CHODL: variants seen among roughly 807,000 people sequenced by gnomAD.
CHODL encodes chondrolectin.
In CHODL, 29 loss-of-function variants were observed where a neutral mutation model predicts 34.5. That is an observed-to-expected ratio of 0.84 (90% CI 0.63 to 1.15). The LOEUF is 1.15. Ranked by LOEUF, CHODL falls within the 50% of genes most tolerant of loss-of-function variation. The pLI is 0.00. For missense variants in CHODL, 332 were observed against 332.5 expected, an observed-to-expected ratio of 1.00 and a Z score of 0.01; for synonymous variants, 125 against 116.1, an observed-to-expected ratio of 1.08 and a Z score of -0.49.
chr21:18,224,864 C>T (rs1158051795), intron 2 of CHODL, among the ~76,000 whole-genome samples: 1 of 151,552 alleles, frequency 6.6e-6, no homozygotes, highest in East Asian at 1.9e-4. Flanking sequence ...GTTCTGTTTT[C>T]AGTCAGTATA....
chr21:18,052,150 C>T (rs932674408), intron 2 of CHODL, among the ~76,000 whole-genome samples: 18 of 151,946 alleles, frequency 1.2e-4, no homozygotes, highest in South Asian at 1.0e-3. Context: ...TAAATAGATC[C>T]GGAGAAATCT....
chr21:18,230,070 T>G (rs2073965164), intron 2 of CHODL, among the ~76,000 whole-genome samples: 1 of 152,226 alleles, frequency 6.6e-6, no homozygotes, highest in East Asian at 1.9e-4. Context: ...CTCAAATGAT[T>G]AAGTAGGTTG....
chr21:17,973,485 C>T (rs570118670), intron 1 of CHODL, among the ~76,000 whole-genome samples: 4 of 146,008 alleles, frequency 2.7e-5, no homozygotes, highest in East Asian at 2.0e-4. Flanking sequence ...GGCTCAATCT[C>T]GGCTCACTGC....
intron 2 of CHODL, among the ~76,000 whole-genome samples, chr21:18,179,300 C>T (rs1436943981): frequency 6.6e-6 from 1 of 152,130 alleles, no homozygotes; most frequent in East Asian, 1.9e-4. Context: ...TGGGAGTCAG[C>T]CTCTGTTCGT....
chr21:17,984,204 G>A (rs1379052160), intron 1 of CHODL, among the ~76,000 whole-genome samples: 4 of 152,064 alleles, frequency 2.6e-5, no homozygotes, highest in Non-Finnish European at 4.4e-5. Context: ...GGTCTTCGGC[G>A]TCATCTATGT....
chr21:17,978,051 A>G (rs2146370976), intron 1 of CHODL, among the ~76,000 whole-genome samples: 1 of 152,230 alleles, frequency 6.6e-6, no homozygotes, highest in Non-Finnish European at 1.5e-5. Context: ...AATCAAACCC[A>G]TCTGTTATCC....
intron 1 of CHODL, among the ~76,000 whole-genome samples, chr21:18,007,966 A>G (rs547886508): frequency 2.0e-5 from 3 of 152,226 alleles, no homozygotes; most frequent in Admixed American, 6.5e-5. Context: ...GTCAAAATCC[A>G]TGCATAAATC....
chr21:18,078,925 C>T (rs1392188358), intron 2 of CHODL, among the ~76,000 whole-genome samples: 2 of 152,118 alleles, frequency 1.3e-5, no homozygotes. Context: ...GATTTGCACC[C>T]AGTTTGAATC....
At position 17,924,013 on chromosome 21, in the gene CHODL, G is replaced by A. The variant is rs112699464; in HGVS notation, c.-145+6613G>A. Among the ~76,000 whole-genome samples the A allele has an allele frequency of 3.9e-3, 592 of 152,306 alleles. 4 individuals carry two copies. The highest frequency in any genetic ancestry group is 0.013 in the African/African-American group (560 of 41,574). On this transcript the variant is annotated intron_variant, in intron 1 of 6. Coordinates refer to the CHODL transcript ENST00000400127. The stretch of plus-strand genomic sequence containing the variant: ...CTCCCTTTCTTTGGAAGAGAAGGAT[G>A]TTGAGGAACGTGAGGGTCTCTTGGA...
intron 2 of CHODL, among the ~76,000 whole-genome samples, chr21:18,137,233 A>G (rs950153610): frequency 6.6e-6 from 1 of 152,000 alleles, no homozygotes; most frequent in Admixed American, 6.6e-5. Flanking sequence ...CTGATTTCTG[A>G]TTTACTCACC....
intron 2 of CHODL, chr21:18,034,484 T>C (rs1035278266): frequency 1.3e-5 from 2 of 151,922 alleles, no homozygotes; most frequent in Non-Finnish European, 2.9e-5. Context: ...AGTCTACAAA[T>C]TAAGAGCCAA....
At chr21:17,958,969 C>G (rs1455312402) in intron 1 of CHODL, among the ~76,000 whole-genome samples, 2 of 152,060 alleles carry the variant, frequency 1.3e-5, no homozygotes, top group Admixed American at 6.6e-5. Flanking sequence ...TATTTTTCCT[C>G]TCCTTAGGTT....
intron 2 of CHODL, among the ~76,000 whole-genome samples, chr21:18,213,814 C>A (rs1000046996): frequency 1.3e-5 from 2 of 151,948 alleles, no homozygotes; most frequent in African/African-American, 2.4e-5. Context: ...CTGAGACCAG[C>A]AAATAGGAAA....
chr21:18,140,615 C>T (rs998408072), intron 2 of CHODL, among the ~76,000 whole-genome samples: 4 of 151,962 alleles, frequency 2.6e-5, no homozygotes, highest in African/African-American at 9.7e-5. Context: ...GTCCCAGGTA[C>T]CAGAAAGCTG....
chr21:18,264,005 TCTTA>T (rs1031394798), intron 5 of CHODL, among the ~76,000 whole-genome samples: 4 of 152,074 alleles, frequency 2.6e-5, no homozygotes, highest in Admixed American at 6.6e-5. Flanking sequence ...GTTGTGCTGA[TCTTA>T]CTTATTTGGA....
chr21:18,204,858 T>G (rs2073695021), intron 2 of CHODL, among the ~76,000 whole-genome samples: 1 of 152,182 alleles, frequency 6.6e-6, no homozygotes, highest in African/African-American at 2.4e-5. Context: ...CTTCATTCAT[T>G]TATGGGTACA....
chr21:18,198,358 A>G (rs142499857), intron 2 of CHODL, among the ~76,000 whole-genome samples: 2 of 152,160 alleles, frequency 1.3e-5, no homozygotes, highest in Non-Finnish European at 2.9e-5. Context: ...AACTATTTGT[A>G]CTTTTTCCTC....
At chr21:18,002,705 T>G (rs1412838029) in intron 1 of CHODL, among the ~76,000 whole-genome samples, 1 of 152,130 alleles carries the variant, frequency 6.6e-6, no homozygotes, top group African/African-American at 2.4e-5. Context: ...GGAAGACGCC[T>G]CCTCACTTCC....
chr21:18,088,624 A>T (rs915090510), intron 2 of CHODL, among the ~76,000 whole-genome samples: 2 of 152,148 alleles, frequency 1.3e-5, no homozygotes, highest in African/African-American at 2.4e-5. Context: ...CAATTTCCAG[A>T]TGGGCAAGCT....
Sources: gnomAD v4.1 joint callset for allele counts (sites outside exome capture counted in the v4.1 genomes callset) on GRCh38, gnomAD v4.1.1 for gene constraint, MANE v1.5 for transcripts, NCBI Gene and HGNC (gene_info 2026-07-23, HGNC 2026-07-21) for gene names.